The following ASCC1 variants were observed in gnomAD, a reference collection of about 807,000 sequenced individuals.
The protein encoded by ASCC1 is activating signal cointegrator 1 complex subunit 1.
A neutral mutation model predicts 46.6 loss-of-function variants in ASCC1; 35 were observed. The observed-to-expected ratio is 0.75, with a 90% CI of 0.57 to 0.99. ASCC1 has a LOEUF of 0.99. Among genes scored for constraint, ASCC1 ranks in the 50% least tolerant of loss-of-function variants. The pLI is 0.00. For missense variants in ASCC1, 376 were observed against 428.7 expected, an observed-to-expected ratio of 0.88 and a Z score of 1.09; for synonymous variants, 143 against 146.6, an observed-to-expected ratio of 0.98 and a Z score of 0.18.
At chr10:72,151,212 A>G (rs1165909968) in intron 7 of ASCC1, among the ~76,000 whole-genome samples, 1 of 152,228 alleles carries the variant, frequency 6.6e-6, no homozygotes, top group African/African-American at 2.4e-5. Context: ...TCCATCAATG[A>G]TAGACTGGAT....
intron 9 of ASCC1, among the ~76,000 whole-genome samples, chr10:72,108,137 C>G (rs183750184): frequency 1.4e-5 from 2 of 146,372 alleles, no homozygotes; most frequent in Admixed American, 7.0e-5. Context: ...AGTGCAGTGG[C>G]GTGATCACAG....
At chr10:72,216,722 G>C (rs1859416672), upstream of ASCC1, 3 of 424,820 alleles carry the variant, frequency 7.1e-6, no homozygotes, top group Non-Finnish European at 9.5e-6. Flanking sequence ...TGCCGTACAT[G>C]AAGTAAATGT....
At chr10:72,198,476 G>A in intron 4 of ASCC1, 1 of 450,554 alleles carries the variant, frequency 2.2e-6, no homozygotes. Context: ...TGGGGCAAAG[G>A]CCAAGGCAGG....
chr10:72,154,665 T>A (rs1262893276), intron 6 of ASCC1, among the ~76,000 whole-genome samples: 1 of 152,162 alleles, frequency 6.6e-6, no homozygotes, highest in Non-Finnish European at 1.5e-5. Context: ...CTAATTTTTA[T>A]ACTTTTAGTA....
rs924663956 is a variant in ASCC1 at position 72,213,078 on chromosome 10, T to C, written c.112+109A>G. ...AAATGGAGCTATATGAGGCCAAACA[T>C]CTCAAATTTCAGTGCTGACACAGAA... is the stretch of plus-strand genomic sequence containing the variant. On this transcript the variant is annotated intron_variant, in intron 2 of 9. Coordinates refer to ENST00000672957, the MANE Select transcript of ASCC1 (RefSeq NM_001198800.3). The C allele has an allele frequency of 2.5e-5, 19 of 761,674 alleles. No individual in the cohort carries two copies. In the African/African-American group the frequency reaches 2.9e-4, roughly 12 times the overall value. 47.2% of individuals were successfully genotyped at this position (761,674 alleles called of 1,614,324 possible).
chr10:72,161,986 A>G (rs905801546), intron 5 of ASCC1, among the ~76,000 whole-genome samples: 1 of 152,196 alleles, frequency 6.6e-6, no homozygotes, highest in Non-Finnish European at 1.5e-5. Flanking sequence ...AGAAAAAAAT[A>G]AACTGGATTT....
intron 8 of ASCC1, among the ~76,000 whole-genome samples, chr10:72,129,269 T>G (rs1845270737): frequency 1.3e-5 from 2 of 152,046 alleles, no homozygotes; most frequent in Admixed American, 6.6e-5. Context: ...ACAAATAAAT[T>G]GATACCAAAT....
chr10:72,100,361 G>T (rs1841606594), intron 9 of ASCC1, among the ~76,000 whole-genome samples: 1 of 151,884 alleles, frequency 6.6e-6, no homozygotes, highest in Non-Finnish European at 1.5e-5. Context: ...GAGTAGCTGG[G>T]ATTACAGGCA....
intron 2 of ASCC1, among the ~76,000 whole-genome samples, chr10:72,211,135 C>T (rs1346687426): frequency 6.6e-6 from 1 of 152,194 alleles, no homozygotes; most frequent in Non-Finnish European, 1.5e-5. Flanking sequence ...GTTTCAATTA[C>T]TTGCAGTTAA....
chr10:72,196,693 T>C (rs1229829080), intron 5 of ASCC1, 118 bp downstream of exon 5: 4 of 1,024,882 alleles, frequency 3.9e-6, no homozygotes, highest in Non-Finnish European at 5.8e-6. Context: ...AAAGAAATAG[T>C]TATCTTTTTT....
At chr10:72,192,125 A>C (rs1306654303) in intron 5 of ASCC1, among the ~76,000 whole-genome samples, 1 of 152,196 alleles carries the variant, frequency 6.6e-6, no homozygotes, top group Non-Finnish European at 1.5e-5. Context: ...GACTTGTATC[A>C]ACAATATACA....
chr10:72,192,469 AG>A (rs1192665064), intron 5 of ASCC1, among the ~76,000 whole-genome samples: 271 of 146,448 alleles, frequency 1.9e-3, no homozygotes, highest in African/African-American at 6.7e-3. Flanking sequence ...AAAAAAAAAA[AG>A]AAAGAAAGAA....
intron 9 of ASCC1, among the ~76,000 whole-genome samples, chr10:72,118,009 A>C (rs1036268650): frequency 6.6e-6 from 1 of 152,242 alleles, no homozygotes; most frequent in African/African-American, 2.4e-5. Flanking sequence ...TAGATAATCA[A>C]GGAAAGACTT....
chr10:72,118,775 G>A (rs144790853), intron 9 of ASCC1, among the ~76,000 whole-genome samples: 36 of 149,266 alleles, frequency 2.4e-4, no homozygotes, highest in African/African-American at 8.4e-4. Context: ...ATGAAACTCC[G>A]TCTCAAAAAA....
chr10:72,165,860 C>T (rs1385348549), intron 5 of ASCC1, among the ~76,000 whole-genome samples: 4 of 152,218 alleles, frequency 2.6e-5, no homozygotes, highest in African/African-American at 9.7e-5. Context: ...TTAATATGCA[C>T]AACTCCATCC....
chr10:72,153,302 T>C (rs533748521), intron 6 of ASCC1, among the ~76,000 whole-genome samples: 74 of 152,366 alleles, frequency 4.9e-4, no homozygotes, highest in African/African-American at 1.7e-3. Context: ...TAAAGACATT[T>C]ACTATGTTGG....
chr10:72,152,589 G>C (rs1848494270), intron 7 of ASCC1, among the ~76,000 whole-genome samples: 2 of 152,122 alleles, frequency 1.3e-5, no homozygotes, highest in African/African-American at 4.8e-5. Flanking sequence ...CCAGCTACTT[G>C]AGAGGCTGAA....
intron 9 of ASCC1, among the ~76,000 whole-genome samples, chr10:72,111,278 A>G (rs887533454): frequency 2.6e-5 from 4 of 152,186 alleles, no homozygotes; most frequent in Admixed American, 1.3e-4. Flanking sequence ...ATTTGAGCCC[A>G]GGAGTTCAAG....
chr10:72,202,067 T>G (rs1427969279), intron 4 of ASCC1, among the ~76,000 whole-genome samples: 2 of 151,958 alleles, frequency 1.3e-5, no homozygotes, highest in African/African-American at 4.8e-5. Context: ...CTGGGCAACA[T>G]GGTGAAATCC....
Sources: allele counts gnomAD v4.1 joint callset (sites outside exome capture counted in the v4.1 genomes callset), GRCh38; gene constraint gnomAD v4.1.1; transcripts MANE v1.5; gene names NCBI Gene and HGNC (gene_info 2026-07-23, HGNC 2026-07-21).